PDE9A: variants seen among roughly 807,000 people sequenced by gnomAD.
PDE9A encodes high affinity cGMP-specific 3',5'-cyclic phosphodiesterase 9A.
In PDE9A, 60 loss-of-function variants were observed where a neutral mutation model predicts 87.4. The ratio of observed to expected loss-of-function variants is 0.69; its 90% confidence interval spans 0.56 to 0.85. The LOEUF is 0.85. PDE9A is among the 40% of genes least tolerant of loss of function. PDE9A has a pLI of 0.00. For synonymous variants in PDE9A, 272 were observed against 279.4 expected (o/e 0.97, Z 0.27); for missense variants, 665 against 779.0 (o/e 0.85, Z 1.74).
intron 9 of PDE9A, 64 bp downstream of exon 9, chr21:42,751,261 T>G: frequency 8.4e-7 from 1 of 1,193,154 alleles, no homozygotes; most frequent in South Asian, 1.2e-5. Flanking sequence ...CCCAGCCCTG[T>G]GGCCCTGCGG....
chr21:42,718,360 T>G (rs2050157671), intron 4 of PDE9A, among the ~76,000 whole-genome samples: 1 of 151,998 alleles, frequency 6.6e-6, no homozygotes, highest in African/African-American at 2.4e-5. Context: ...ATTTGCAAAA[T>G]TGTCAGCCAT....
chr21:42,662,629 CCACA>C (rs1268172418), intron 1 of PDE9A, among the ~76,000 whole-genome samples: 1 of 144,566 alleles, frequency 6.9e-6, no homozygotes, highest in Non-Finnish European at 1.5e-5. Flanking sequence ...ACACCACACA[CCACA>C]CACACGCACA....
chr21:42,720,897 C>T (rs370155966), intron 4 of PDE9A, among the ~76,000 whole-genome samples: 1 of 151,678 alleles, frequency 6.6e-6, no homozygotes, highest in African/African-American at 2.4e-5. Flanking sequence ...CCCAGCTGCT[C>T]GGGAGGCTGA....
chr21:42,744,024 C>T (rs1001223004), intron 8 of PDE9A, among the ~76,000 whole-genome samples, 164 bp downstream of exon 8: 1 of 152,158 alleles, frequency 6.6e-6, no homozygotes, highest in African/African-American at 2.4e-5. Context: ...CTGCTTGCGA[C>T]CTGCTTGTCA....
chr21:42,693,400 G>A lies in PDE9A; in HGVS notation c.218+5406G>A, dbSNP rs373901660. Among the ~76,000 whole-genome samples the A allele has an allele frequency of 9.3e-5, 14 of 150,500 alleles. No homozygotes were observed. In the South Asian group the frequency reaches 1.3e-3, roughly 14 times the overall value. The stretch of plus-strand genomic sequence containing the variant: ...TGCAAGCTCTGCCTTCCGGGTTCAC[G>A]CCATTCTCCTGCCTCAGCCTCCCGA... On this transcript the variant is annotated intron_variant, in intron 3 of 19. Transcript: ENST00000291539.
Position 42,760,691 on chromosome 21 carries a change from C to A in PDE9A, c.1003-134C>A. ...CCACAGGCAGGCCGATCCTCTCCCA[C>A]CATGCCAGGAGATGCCAGATGGCTG... On this transcript the variant is annotated intron_variant, in intron 12 of 19. Coordinates refer to ENST00000291539, the MANE Select transcript of PDE9A (RefSeq NM_002606.3). This position sits in a 1 kb window ranked among gnomAD's most constrained non-coding sequence, Gnocchi z 5.2. The A allele has an allele frequency of 1.5e-6, 1 of 685,448 alleles. No homozygotes were observed. The highest frequency in any genetic ancestry group is 1.7e-5 in the South Asian group (1 of 60,312). 42.5% of individuals were successfully genotyped at this position (685,448 alleles called of 1,614,324 possible).
intron 3 of PDE9A, among the ~76,000 whole-genome samples, chr21:42,689,175 C>T (rs1490452729): frequency 6.6e-6 from 1 of 151,810 alleles, no homozygotes; most frequent in East Asian, 1.9e-4. Context: ...TGGGCATGGC[C>T]AGTGCCGTCC....
At chr21:42,732,236 C>T in intron 6 of PDE9A, 112 bp downstream of exon 6, 4 of 1,036,612 alleles carry the variant, frequency 3.9e-6, no homozygotes, top group Non-Finnish European at 5.8e-6. Context: ...GTGGCTGTCT[C>T]ACCTGCCTGG....
chr21:42,709,119 G>C (rs369796864), intron 4 of PDE9A, among the ~76,000 whole-genome samples: 1 of 152,174 alleles, frequency 6.6e-6, no homozygotes, highest in Non-Finnish European at 1.5e-5. Flanking sequence ...ATACTATGCA[G>C]CCATAAAAAG....
intron 1 of PDE9A, among the ~76,000 whole-genome samples, chr21:42,670,254 TACATTCACACACATATTCAC>T (rs1242150206): frequency 7.6e-6 from 1 of 131,020 alleles, no homozygotes; most frequent in Non-Finnish European, 1.5e-5. Context: ...TACACATACA[TACATTCACACACATATTCAC>T]ACATTCACAC....
chr21:42,747,802 T>C (rs1316141592), intron 8 of PDE9A, among the ~76,000 whole-genome samples: 4 of 152,218 alleles, frequency 2.6e-5, no homozygotes, highest in Non-Finnish European at 5.9e-5. Flanking sequence ...GGGTGGCAAC[T>C]GAGGGCTCAG....
chr21:42,686,166 C>A lies in PDE9A; in HGVS notation c.70-26C>A, dbSNP rs371370679. On this transcript the variant is annotated intron_variant, in intron 1 of 19. Coordinates refer to ENST00000291539, the MANE Select transcript of PDE9A (RefSeq NM_002606.3). ...CAGGGAGACCCGCCGCCCTCGCTGC[C>A]GCCTCACCGCGCTTCTGTTTTGCAG... The A allele has an allele frequency of 6.4e-4, 1,031 of 1,600,062 alleles. 1 individual carries two copies. The highest frequency in any genetic ancestry group is 1.4e-3 in the South Asian group (126 of 90,762).
intron 7 of PDE9A, chr21:42,733,774 C>A: frequency 3.8e-6 from 1 of 264,848 alleles, no homozygotes; most frequent in South Asian, 7.3e-5. Context: ...TCTCTGCACA[C>A]TGATCGGCAC....
chr21:42,670,628 CACAT>C (rs953461024), intron 1 of PDE9A, among the ~76,000 whole-genome samples: 12 of 151,754 alleles, frequency 7.9e-5, no homozygotes, highest in African/African-American at 2.7e-4. Context: ...CATTCACACA[CACAT>C]ACACTTACAA....
intron 1 of PDE9A, among the ~76,000 whole-genome samples, chr21:42,664,259 G>A (rs529044232): frequency 6.2e-4 from 94 of 152,352 alleles, no homozygotes; most frequent in African/African-American, 2.1e-3. Context: ...GCCTCACCTC[G>A]CAGCATGACA....
chr21:42,672,677 T>G (rs975838975), intron 1 of PDE9A, among the ~76,000 whole-genome samples: 6 of 152,352 alleles, frequency 3.9e-5, no homozygotes, highest in Non-Finnish European at 5.9e-5. Flanking sequence ...TAAACCACAG[T>G]GAGGTCAAAT....
intron 1 of PDE9A, among the ~76,000 whole-genome samples, chr21:42,682,852 C>G (rs907442442): frequency 6.6e-6 from 1 of 152,230 alleles, no homozygotes; most frequent in African/African-American, 2.4e-5. Context: ...GTTGCATAAA[C>G]CTTCCCCAAT....
chr21:42,686,488 G>A (rs541397806), intron 2 of PDE9A, among the ~76,000 whole-genome samples: 5 of 152,216 alleles, frequency 3.3e-5, no homozygotes, highest in Admixed American at 6.5e-5. Context: ...GGAAACCGTC[G>A]GGCTGAATTA....
chr21:42,712,575 G>A (rs1237070287), intron 4 of PDE9A, among the ~76,000 whole-genome samples: 6 of 152,282 alleles, frequency 3.9e-5, no homozygotes, highest in Non-Finnish European at 7.3e-5. Context: ...GAGAGCAGAC[G>A]TCCTCGCCTT....
Sources: allele counts gnomAD v4.1 joint callset (sites outside exome capture counted in the v4.1 genomes callset), GRCh38; gene constraint gnomAD v4.1.1; non-coding constraint Gnocchi (gnomAD v3.1); transcripts MANE v1.5; gene names NCBI Gene and HGNC (gene_info 2026-07-23, HGNC 2026-07-21).